Variants in VAV2 observed in about 807,000 individuals in gnomAD.
VAV2 encodes the protein vav guanine nucleotide exchange factor 2.
In VAV2, 67 loss-of-function variants were observed where a neutral mutation model predicts 132.5. The ratio of observed to expected loss-of-function variants is 0.51; its 90% confidence interval spans 0.42 to 0.62. The LOEUF (loss-of-function observed/expected upper bound fraction) is 0.62. VAV2 is among the 20% of genes least tolerant of loss of function. The pLI is 0.00. For synonymous variants in VAV2, 492 were observed against 443.5 expected, an observed-to-expected ratio of 1.11 and a Z score of -1.37; for missense variants, 938 against 1,153.6, an observed-to-expected ratio of 0.81 and a Z score of 2.71.
intron 1 of VAV2, among the ~76,000 whole-genome samples, chr9:133,989,339 C>CAAAAAA (rs34368097): frequency 9.3e-6 from 1 of 107,234 alleles, no homozygotes; most frequent in African/African-American, 3.7e-5. Context: ...AACTCCATCT[C>CAAAAAA]AAAAAAAAAA....
At chr9:133,913,449 C>CTGGAAAGCCTGGCAT (rs752637078) in intron 2 of VAV2, among the ~76,000 whole-genome samples, 4 of 152,208 alleles carry the variant, frequency 2.6e-5, no homozygotes, top group Non-Finnish European at 5.9e-5. Context: ...TGGTGCCCCA[C>CTGGAAAGCCTGGCAT]TCCGGAGGCT....
At chr9:133,975,641 C>A (rs1248512601) in intron 1 of VAV2, among the ~76,000 whole-genome samples, 1 of 152,238 alleles carries the variant, frequency 6.6e-6, no homozygotes, top group African/African-American at 2.4e-5. Context: ...TCCAAAGTCT[C>A]TGAGCCCCCA....
intron 1 of VAV2, among the ~76,000 whole-genome samples, chr9:133,944,275 G>A (rs1020020097): frequency 6.6e-5 from 10 of 152,076 alleles, no homozygotes; most frequent in African/African-American, 1.9e-4. Flanking sequence ...ACGGGTCACC[G>A]GCAGTGCTGG....
chr9:133,785,169 T>A (rs954687087), intron 17 of VAV2, among the ~76,000 whole-genome samples: 3 of 151,970 alleles, frequency 2.0e-5, no homozygotes, highest in Non-Finnish European at 4.4e-5. Context: ...CCTTCCCCTC[T>A]CCATTTCACC....
intron 1 of VAV2, among the ~76,000 whole-genome samples, chr9:133,972,483 T>C (rs1423612497): frequency 7.1e-5 from 2 of 28,310 alleles, no homozygotes; most frequent in South Asian, 2.0e-3. Context: ...CATGTCATTA[T>C]TAAAGGCAAA....
chr9:133,797,880 C>G (rs1254387631), intron 9 of VAV2, 71 bp from the exon 10 acceptor site: 1 of 1,440,150 alleles, frequency 6.9e-7, no homozygotes, highest in East Asian at 2.4e-5. Flanking sequence ...GTGAGCCCGT[C>G]CATTTTTCCC....
intron 2 of VAV2, among the ~76,000 whole-genome samples, chr9:133,902,542 G>GT (rs1311602963): frequency 6.6e-6 from 1 of 152,220 alleles, no homozygotes; most frequent in Non-Finnish European, 1.5e-5. Flanking sequence ...GGGTGCTGGG[G>GT]TGCAGGCTGC....
rs183533431 is a variant in VAV2 at position 133,838,138 on chromosome 9, C to G, written c.381-3798G>C. Among the ~76,000 whole-genome samples the G allele has an allele frequency of 6.4e-3, 967 of 152,178 alleles. 10 individuals are homozygous for G. Among genetic ancestry groups the G allele is most frequent in the Admixed American group, 0.014 (219 of 15,292 alleles). ...CAGTCCCCTTTCACTCCGCTCCCCC[C>G]ACAGCCCTCCATGCCCATGCTACCT... On this transcript the variant is annotated intron_variant, in intron 3 of 29. Transcript: ENST00000371850.
intron 3 of VAV2, among the ~76,000 whole-genome samples, chr9:133,845,429 C>T (rs1434120858): frequency 6.6e-6 from 1 of 152,212 alleles, no homozygotes; most frequent in Admixed American, 6.5e-5. Context: ...TGGGGGGCCG[C>T]ACTGGGGGTT....
At chr9:133,976,654 G>A (rs1020722876) in intron 1 of VAV2, among the ~76,000 whole-genome samples, 11 of 152,200 alleles carry the variant, frequency 7.2e-5, no homozygotes, top group East Asian at 1.9e-4. Context: ...TCTCCCCAGC[G>A]CCTTCTCCCG....
chr9:133,768,700 C>T lies in VAV2; in HGVS notation c.2435-104G>A, dbSNP rs1022083449. The T allele has an allele frequency of 1.3e-5, 18 of 1,402,622 alleles. No homozygotes were observed. Among genetic ancestry groups the T allele is most frequent in the South Asian group, 4.1e-5 (3 of 72,302 alleles). 86.9% of individuals were successfully genotyped at this position (1,402,622 alleles called of 1,614,324 possible). A position where few individuals can be genotyped will look rare whatever the true frequency, so the allele number is the denominator to read the frequency against. The stretch of plus-strand genomic sequence containing the variant: ...GGGTCTCTCCCCTGGTGCCCAGAAC[C>T]CTGCTCTGTACCCAGAGAGGAAGGA... On this transcript the variant is annotated intron_variant, in intron 28 of 29. Coordinates refer to ENST00000371850, the MANE Select transcript of VAV2 (RefSeq NM_001134398.2). This position sits in a 1 kb window ranked among gnomAD's most constrained non-coding sequence, Gnocchi z 5.3.
At chr9:133,985,561 C>T (rs1458049655) in intron 1 of VAV2, among the ~76,000 whole-genome samples, 1 of 152,200 alleles carries the variant, frequency 6.6e-6, no homozygotes, top group Non-Finnish European at 1.5e-5. Context: ...GGACTGCAGG[C>T]ATGAGCCATC....
chr9:133,809,661 C>A (rs1835287202), intron 6 of VAV2, among the ~76,000 whole-genome samples: 1 of 152,208 alleles, frequency 6.6e-6, no homozygotes, highest in Non-Finnish European at 1.5e-5. Flanking sequence ...AGCCAGGGGG[C>A]CTGAGATGAC....
intron 2 of VAV2, among the ~76,000 whole-genome samples, chr9:133,917,951 C>T (rs1840159934): frequency 6.7e-6 from 1 of 149,886 alleles, no homozygotes; most frequent in Non-Finnish European, 1.5e-5. Context: ...GCCCCCTAAG[C>T]CCCGGCCCAT....
chr9:133,789,797 G>A (rs1834379861), intron 13 of VAV2, among the ~76,000 whole-genome samples: 1 of 152,236 alleles, frequency 6.6e-6, no homozygotes, highest in African/African-American at 2.4e-5. Flanking sequence ...CCCCTGTGTG[G>A]TTCGCTGAGG....
At chr9:133,821,526 T>C (rs541265627) in intron 4 of VAV2, among the ~76,000 whole-genome samples, 1 of 152,184 alleles carries the variant, frequency 6.6e-6, no homozygotes, top group Admixed American at 6.5e-5. Flanking sequence ...CAGTAGGTGC[T>C]CAATAAGTGG....
At position 133,912,727 on chromosome 9, in the gene VAV2, G is replaced by A. The variant is rs920340379; in HGVS notation, c.321+26376C>T. Among the ~76,000 whole-genome samples, 4 of 152,098 alleles carry A rather than the reference G, an allele frequency of 2.6e-5. No homozygotes were observed. Among genetic ancestry groups the A allele is most frequent in the Non-Finnish European group, 5.9e-5 (4 of 68,024 alleles). On this transcript the variant is annotated intron_variant, in intron 2 of 29. Coordinates refer to ENST00000371850, the MANE Select transcript of VAV2 (RefSeq NM_001134398.2). This position sits in a 1 kb window ranked among gnomAD's most constrained non-coding sequence, Gnocchi z 4.3. Reference sequence around the variant, plus strand: ...AGTCACCGGTGGTTGACTATTAGGGGGGATAGTTGTGTTCTTTTATTTCTG... The same window carrying A: ...AGTCACCGGTGGTTGACTATTAGGGAGGATAGTTGTGTTCTTTTATTTCTG...
chr9:133,916,923 C>T (rs796538320), intron 2 of VAV2, among the ~76,000 whole-genome samples: 13 of 152,284 alleles, frequency 8.5e-5, no homozygotes, highest in African/African-American at 1.7e-4. Context: ...TAAGCCTCAG[C>T]GTCCCCGTCC....
chr9:133,810,742 C>A (rs922800647), intron 5 of VAV2, among the ~76,000 whole-genome samples: 2 of 151,948 alleles, frequency 1.3e-5, no homozygotes, highest in African/African-American at 4.8e-5. Context: ...AGGTCTGAGA[C>A]CTTCAGAACC....
Sources: allele counts gnomAD v4.1 joint callset (sites outside exome capture counted in the v4.1 genomes callset), GRCh38; gene constraint gnomAD v4.1.1; non-coding constraint Gnocchi (gnomAD v3.1); transcripts MANE v1.5; gene names NCBI Gene and HGNC (gene_info 2026-07-23, HGNC 2026-07-21).